PIK3R1: variants seen among roughly 807,000 people sequenced by gnomAD.
The protein encoded by PIK3R1 is phosphoinositide-3-kinase regulatory subunit 1, also known as phosphatidylinositol 3-kinase regulatory subunit alpha.
In PIK3R1, 29 loss-of-function variants were observed where a neutral mutation model predicts 98.0. That is an observed-to-expected ratio of 0.30 (90% CI 0.22 to 0.40). PIK3R1 has a LOEUF of 0.40. Among genes scored for constraint, PIK3R1 ranks in the 10% least tolerant of loss-of-function variants. PIK3R1 has a pLI of 1.00. For synonymous variants in PIK3R1, 282 were observed against 311.8 expected (o/e 0.90, Z 1.01); for missense variants, 596 against 872.7 (o/e 0.68, Z 3.99).
chr5:68,301,100 T>C lies in PIK3R1; in HGVS notation c.*3499T>C, dbSNP rs1053681743. On this transcript the variant is annotated 3_prime_UTR_variant, in exon 16 of 16. Transcript: ENST00000521381. Reference sequence around the variant, plus strand: ...TGCTATGTATGGTATCCAAGTTAGTTGAAACGCAGACACTGAGATCTGTTT... The same window carrying C: ...TGCTATGTATGGTATCCAAGTTAGTCGAAACGCAGACACTGAGATCTGTTT... The C allele has an allele frequency of 1.3e-5, 3 of 230,488 alleles. No individual in the cohort carries two copies. The highest frequency in any genetic ancestry group is 2.6e-5 in the Non-Finnish European group (3 of 116,312). 14.3% of individuals were successfully genotyped at this position (230,488 alleles called of 1,614,324 possible).
chr5:68,290,831 C>T (rs764999115), intron 7 of PIK3R1: 2 of 1,596,758 alleles, frequency 1.3e-6, no homozygotes, highest in Admixed American at 3.4e-5. Flanking sequence ...AATGGACCCA[C>T]CAGGTAATAC....
chr5:68,251,828 T>C (rs1218361067), intron 2 of PIK3R1, among the ~76,000 whole-genome samples: 1 of 152,184 alleles, frequency 6.6e-6, no homozygotes, highest in Admixed American at 6.5e-5. Context: ...GAGCAAACTC[T>C]GTCTCATCTG....
chr5:68,262,593 C>A (rs1946208), intron 2 of PIK3R1, among the ~76,000 whole-genome samples: 47,562 of 126,480 alleles, frequency 0.38, 10,642 homozygotes, highest in African/African-American at 0.61. Context: ...ACACATGTAT[C>A]TGCATGTATA....
intron 7 of PIK3R1, among the ~76,000 whole-genome samples, chr5:68,282,431 C>T (rs1213846774): frequency 6.6e-6 from 1 of 152,236 alleles, no homozygotes; most frequent in East Asian, 1.9e-4. Context: ...TAGTCCTGAT[C>T]TTTTCAGTGG....
At chr5:68,275,698 AATAT>A (rs1397319802) in intron 4 of PIK3R1, among the ~76,000 whole-genome samples, 2 of 152,164 alleles carry the variant, frequency 1.3e-5, no homozygotes, top group Non-Finnish European at 2.9e-5. Flanking sequence ...CACCCCAAAA[AATAT>A]AAATAAATAA....
At chr5:68,287,022 A>G (rs1333619375) in intron 7 of PIK3R1, among the ~76,000 whole-genome samples, 1 of 152,226 alleles carries the variant, frequency 6.6e-6, no homozygotes, top group Non-Finnish European at 1.5e-5. Flanking sequence ...ACTAAAGGAA[A>G]GTTTGTAAAA....
chr5:68,224,194 G>A (rs1208861694), intron 1 of PIK3R1, among the ~76,000 whole-genome samples: 1 of 152,152 alleles, frequency 6.6e-6, no homozygotes, highest in Non-Finnish European at 1.5e-5. Flanking sequence ...TTCTTTAGAG[G>A]TCTCTGTCTC....
At position 68,215,816 on chromosome 5, in the gene PIK3R1, G is replaced by T. The variant is rs1743835364; in HGVS notation, c.-520G>T. ...CGGCAGCGGCGAGGGCGGCAGGCTA[G>T]CTGTCGGAGACGGCAAGCACGGATC... On this transcript the variant is annotated 5_prime_UTR_variant, in exon 1 of 16. Transcript: ENST00000521381. 1 of 152,980 alleles carries T rather than the reference G, an allele frequency of 6.5e-6. No homozygotes were observed. The highest frequency in any genetic ancestry group is 2.0e-4 in the South Asian group (1 of 4,944). 9.5% of individuals were successfully genotyped at this position (152,980 alleles called of 1,614,324 possible).
intron 1 of PIK3R1, among the ~76,000 whole-genome samples, chr5:68,220,475 C>T (rs904113222): frequency 5.3e-5 from 8 of 152,152 alleles, no homozygotes; most frequent in Non-Finnish European, 8.8e-5. Context: ...TCCCAGCCTC[C>T]GCGTAATGGC....
chr5:68,224,777 C>T (rs1744216207), intron 1 of PIK3R1, among the ~76,000 whole-genome samples: 1 of 152,188 alleles, frequency 6.6e-6, no homozygotes, highest in Admixed American at 6.5e-5. Flanking sequence ...ATAAAGATAA[C>T]ATTGAGAAAT....
Position 68,297,854 on chromosome 5 carries a change from AGCCACAACCAC to A in PIK3R1, c.*254_*264del, listed in dbSNP as rs1747819186. 1 of 333,530 alleles carries A rather than the reference AGCCACAACCAC, an allele frequency of 3.0e-6. No individual in the cohort carries two copies. Among genetic ancestry groups the A allele is most frequent in the South Asian group, 1.0e-4 (1 of 9,592 alleles). The allele number at this position is 333,530 out of a possible 1,614,324, so 20.7% of individuals were successfully genotyped here. On this transcript the variant is annotated 3_prime_UTR_variant, in exon 16 of 16. Coordinates refer to ENST00000521381, the MANE Select transcript of PIK3R1 (RefSeq NM_181523.3). The stretch of plus-strand genomic sequence containing the variant: ...TCTTTTTTTCTTTGGTTTAATTTAA[AGCCACAACCAC>A]ATACAACACAAAGAGAAAAAGAAAT...
intron 2 of PIK3R1, among the ~76,000 whole-genome samples, chr5:68,253,080 G>A (rs536751915): frequency 1.5e-4 from 23 of 152,176 alleles, no homozygotes; most frequent in South Asian, 1.0e-3. Context: ...TTTTATCTAC[G>A]TTGCATTTTT....
chr5:68,278,962 C>T (rs1008733164), intron 4 of PIK3R1, among the ~76,000 whole-genome samples: 1 of 152,060 alleles, frequency 6.6e-6, no homozygotes, highest in Non-Finnish European at 1.5e-5. Flanking sequence ...AAACTTACTT[C>T]TCGTGGTTCT....
At chr5:68,295,083 C>T in intron 12 of PIK3R1, 65 bp from the exon 13 acceptor site, 1 of 1,347,576 alleles carries the variant, frequency 7.4e-7, no homozygotes, top group Non-Finnish European at 1.0e-6. Flanking sequence ...TGAAACTTTT[C>T]ATAAACTTTG....
At chr5:68,234,013 A>G (rs1440009395) in intron 2 of PIK3R1, among the ~76,000 whole-genome samples, 2 of 152,242 alleles carry the variant, frequency 1.3e-5, no homozygotes, top group Non-Finnish European at 2.9e-5. Context: ...TATAACTGTG[A>G]ATTTATTACA....
chr5:68,285,881 CTCTGT>C (rs1309165738), intron 7 of PIK3R1, among the ~76,000 whole-genome samples: 13 of 152,224 alleles, frequency 8.5e-5, no homozygotes, highest in Non-Finnish European at 1.5e-4. Flanking sequence ...CTAAAAGGCC[CTCTGT>C]TCTAAGTTGT....
At chr5:68,259,493 C>T (rs1338312663) in intron 2 of PIK3R1, among the ~76,000 whole-genome samples, 1 of 152,176 alleles carries the variant, frequency 6.6e-6, no homozygotes, top group East Asian at 1.9e-4. Flanking sequence ...AACAGTGTAT[C>T]TTCTACTGTG....
chr5:68,224,095 A>G (rs1744194414), intron 1 of PIK3R1, among the ~76,000 whole-genome samples: 1 of 152,244 alleles, frequency 6.6e-6, no homozygotes, highest in Admixed American at 6.5e-5. Flanking sequence ...AAAAGCTAAC[A>G]AAAATTTCAA....
intron 2 of PIK3R1, among the ~76,000 whole-genome samples, chr5:68,247,998 C>CTT (rs377116887): frequency 1.4e-5 from 2 of 145,408 alleles, no homozygotes; most frequent in African/African-American, 2.5e-5. Context: ...GGAAAATGTT[C>CTT]TTTTTTTTTT....
Sources: allele counts gnomAD v4.1 joint callset (sites outside exome capture counted in the v4.1 genomes callset), GRCh38; gene constraint gnomAD v4.1.1; transcripts MANE v1.5; gene names NCBI Gene and HGNC (gene_info 2026-07-23, HGNC 2026-07-21).